HERC3: variants seen among roughly 807,000 people sequenced by gnomAD.
HERC3 encodes the protein HECT and RLD domain containing E3 ubiquitin protein ligase 3, also known as probable E3 ubiquitin-protein ligase HERC3.
In HERC3, 58 loss-of-function variants were observed where a neutral mutation model predicts 129.9. That is an observed-to-expected ratio of 0.45 (90% confidence interval 0.36 to 0.56). The LOEUF is 0.56. Ranked by LOEUF, HERC3 falls within the 20% of genes least tolerant of loss-of-function variation. The pLI is 0.00. For missense variants in HERC3, 835 were observed against 1,244.2 expected (o/e 0.67, Z 4.95); for synonymous variants, 430 against 451.0 (o/e 0.95, Z 0.59).
rs568261421 is a variant in HERC3 at position 88,643,550 on chromosome 4, G to A, written c.227-6290G>A. ...ACAGAGGTGTAGACGCAGTCCAATA[G>A]AACAGAATAAAGCCCAGAAATATAT... On this transcript the variant is annotated intron_variant, in intron 3 of 25. Coordinates refer to ENST00000402738, the MANE Select transcript of HERC3 (RefSeq NM_014606.3). Among the ~76,000 whole-genome samples, 12 of 152,278 alleles carry A rather than the reference G, an allele frequency of 7.9e-5. No individual in the cohort carries two copies. The South Asian group carries it at 2.5e-3, about 32-fold the overall frequency.
the HERC3 span, among the ~76,000 whole-genome samples, chr4:88,554,652 G>A: frequency 0.18 from 27,375 of 152,114 alleles, 5,617 homozygotes; most frequent in African/African-American, 0.5. Context: ...GGGAAGAATT[G>A]GTTGAGAATG....
chr4:88,603,486 T>A (rs922569765), intron 2 of HERC3, among the ~76,000 whole-genome samples: 2 of 152,222 alleles, frequency 1.3e-5, no homozygotes, highest in African/African-American at 4.8e-5. Context: ...GGATTACAGG[T>A]GTGAGCCACC....
chr4:88,690,238 TA>T (rs1733936062), intron 23 of HERC3: 1 of 979,008 alleles, frequency 1.0e-6, no homozygotes, highest in African/African-American at 1.8e-5. Flanking sequence ...TCAGGATGTT[TA>T]TTTCCTTAAT....
intron 3 of HERC3, among the ~76,000 whole-genome samples, chr4:88,648,954 G>T (rs748241273): frequency 6.7e-6 from 1 of 148,768 alleles, no homozygotes; most frequent in African/African-American, 2.5e-5. Flanking sequence ...AGATATTTCT[G>T]TTGGTTTGTT....
At chr4:88,563,747 C>A in the HERC3 span, among the ~76,000 whole-genome samples, 17 of 151,622 alleles carry the variant, frequency 1.1e-4, no homozygotes, top group Admixed American at 8.5e-4. Context: ...GCAACCTCCA[C>A]CTCCTGGGTT....
intron 3 of HERC3, among the ~76,000 whole-genome samples, chr4:88,621,001 C>T (rs996095330): frequency 1.3e-5 from 2 of 152,186 alleles, no homozygotes; most frequent in Non-Finnish European, 2.9e-5. Context: ...CAGTCACAAT[C>T]AATACCTCTC....
At chr4:88,683,791 T>C (rs193037902) in intron 21 of HERC3, among the ~76,000 whole-genome samples, 259 of 152,344 alleles carry the variant, frequency 1.7e-3, no homozygotes, top group Non-Finnish European at 2.2e-3. Context: ...TAAAGTGTTT[T>C]TACCAAGCTT....
At chr4:88,686,594 T>G in intron 21 of HERC3, 142 bp from the exon 22 acceptor site, 1 of 572,174 alleles carries the variant, frequency 1.7e-6, no homozygotes, top group Non-Finnish European at 3.2e-6. Flanking sequence ...CATGATTTTC[T>G]GTCCGTCCGG....
rs773813906 is a variant in HERC3, at chr4:88,656,027, C to G, written c.1061C>G (p.Ala354Gly). The G allele has an allele frequency of 6.2e-7, 1 of 1,613,902 alleles. No homozygotes were observed. Among genetic ancestry groups the G allele is most frequent in the Admixed American group, 1.7e-5 (1 of 60,000 alleles). ...GCTGCCCACAGTGGCCAGCTTTCAG[C>G]CCGAGCTGGTAAGAATGATTGTCTC... ...YWAAHSGQLS[A>G]RADRFKYHIV... Residue 354 changes from alanine (A) to glycine (G), a missense_variant, in exon 9 of 26, where the codon GCC (alanine) becomes GGC (glycine). Transcript: ENST00000402738.
rs553907985 is a variant in HERC3, at chr4:88,621,991, ATACAATT to A, written c.226+15944_226+15950del. Among the ~76,000 whole-genome samples the A allele has an allele frequency of 6.1e-4, 93 of 152,304 alleles. No homozygotes were observed. In the East Asian group the frequency reaches 0.018, roughly 29 times the overall value. On this transcript the variant is annotated intron_variant, in intron 3 of 25. Coordinates refer to ENST00000402738, the MANE Select transcript of HERC3 (RefSeq NM_014606.3). ...TTGTTTTATAATAACAGTTATTGAG[ATACAATT>A]TGCATACCACATGATTTACCCATTT...
intron 5 of HERC3, 117 bp downstream of exon 5, chr4:88,652,205 A>G: frequency 1.3e-6 from 1 of 741,164 alleles, no homozygotes; most frequent in Non-Finnish European, 2.3e-6. Context: ...GGGTCTATGC[A>G]TTGCTGTTGG....
At chr4:88,576,113 C>T in the HERC3 span, among the ~76,000 whole-genome samples, 1 of 152,158 alleles carries the variant, frequency 6.6e-6, no homozygotes, top group African/African-American at 2.4e-5. Context: ...GCTGTTTTCT[C>T]TTCTACCTTC....
intron 9 of HERC3, 161 bp from the exon 10 acceptor site, chr4:88,658,254 A>C: frequency 4.7e-6 from 2 of 422,486 alleles, no homozygotes; most frequent in Non-Finnish European, 8.4e-6. Flanking sequence ...AAGTAGAAAC[A>C]GTCCTAGGCA....
intron 16 of HERC3, among the ~76,000 whole-genome samples, chr4:88,670,629 A>C (rs545214033): frequency 1.7e-4 from 26 of 151,616 alleles, no homozygotes; most frequent in African/African-American, 5.8e-4. Context: ...TTGGAGATCC[A>C]ATTGTACACC....
At chr4:88,617,428 A>G (rs749832373) in intron 3 of HERC3, among the ~76,000 whole-genome samples, 19 of 152,238 alleles carry the variant, frequency 1.2e-4, no homozygotes, top group Non-Finnish European at 2.6e-4. Flanking sequence ...TGATTAGTTT[A>G]TCACATTAAA....
chr4:88,692,225 T>C (rs1250814696), intron 23 of HERC3, among the ~76,000 whole-genome samples: 5 of 151,692 alleles, frequency 3.3e-5, no homozygotes, highest in African/African-American at 1.2e-4. Context: ...TTACCATTAG[T>C]GAAAAACCCA....
the HERC3 span, among the ~76,000 whole-genome samples, chr4:88,563,290 T>A: frequency 6.6e-6 from 1 of 152,194 alleles, no homozygotes; most frequent in East Asian, 1.9e-4. Context: ...GATTTCTTTT[T>A]CAGATTGTTC....
chr4:88,572,735 G>A, the HERC3 span, among the ~76,000 whole-genome samples: 135 of 151,822 alleles, frequency 8.9e-4, 1 homozygote, highest in Middle Eastern at 0.014. Context: ...CTTGAACTCA[G>A]GAGGCGGAGG....
At chr4:88,560,652 T>G in the HERC3 span, among the ~76,000 whole-genome samples, 1 of 152,230 alleles carries the variant, frequency 6.6e-6, no homozygotes. Context: ...ATCCAAAAAA[T>G]TATTGCCAAG....
Sources: allele counts gnomAD v4.1 joint callset (sites outside exome capture counted in the v4.1 genomes callset), GRCh38; gene constraint gnomAD v4.1.1; transcripts MANE v1.5; gene names NCBI Gene and HGNC (gene_info 2026-07-23, HGNC 2026-07-21).